Variants in GRM7 observed in about 807,000 individuals in gnomAD.
GRM7 encodes glutamate metabotropic receptor 7.
In GRM7, 35 loss-of-function variants were observed where a neutral mutation model predicts 84.5. That is an observed-to-expected ratio of 0.41 (90% CI 0.32 to 0.55). GRM7 has a LOEUF of 0.55. Ranked by LOEUF, GRM7 falls within the 20% of genes least tolerant of loss-of-function variation. GRM7 has a pLI of 0.19. For missense variants in GRM7, 1,003 were observed against 1,194.6 expected (o/e 0.84, Z 2.36); for synonymous variants, 487 against 455.1 (o/e 1.07, Z -0.89).
chr3:6,983,984 TA>T (rs1694304426), intron 1 of GRM7, among the ~76,000 whole-genome samples: 1 of 152,192 alleles, frequency 6.6e-6, no homozygotes, highest in African/African-American at 2.4e-5. Context: ...TCTGTCATCA[TA>T]AAACAAAGAG....
At chr3:7,328,158 C>A (rs2125062365) in intron 4 of GRM7, among the ~76,000 whole-genome samples, 1 of 152,198 alleles carries the variant, frequency 6.6e-6, no homozygotes, top group Non-Finnish European at 1.5e-5. Flanking sequence ...AAAGATTTTT[C>A]CCATGAAAAG....
intron 7 of GRM7, among the ~76,000 whole-genome samples, chr3:7,535,605 C>T (rs1701210840): frequency 6.6e-6 from 1 of 152,226 alleles, no homozygotes; most frequent in African/African-American, 2.4e-5. Flanking sequence ...CACTTAACCT[C>T]CATATGCTCT....
Position 7,523,427 on chromosome 3 carries a change from ACT to A in GRM7, c.1516-54992_1516-54991del, listed in dbSNP as rs1202579624. The stretch of plus-strand genomic sequence containing the variant: ...GAAGTAAGTTTTGCTGGCAATGTGC[ACT>A]CTGTTTTGCTAGGCCGGACTTTAAT... On this transcript the variant is annotated intron_variant, in intron 7 of 9. Transcript: ENST00000357716. 2.0e-5 allele frequency among the ~76,000 whole-genome samples: 3 copies of A among 152,144 alleles called. No homozygotes were observed. In the East Asian group the frequency reaches 5.8e-4, roughly 29 times the overall value.
chr3:7,060,707 T>G (rs1235939349), intron 1 of GRM7, among the ~76,000 whole-genome samples: 1 of 149,144 alleles, frequency 6.7e-6, no homozygotes. Context: ...TGATGTCTAA[T>G]AAAAATAAAT....
intron 4 of GRM7, among the ~76,000 whole-genome samples, chr3:7,381,908 A>G (rs1575251167): frequency 1.3e-5 from 2 of 152,150 alleles, no homozygotes; most frequent in Admixed American, 6.6e-5. Context: ...TGTTAGGCAA[A>G]CACTCTCACA....
intron 1 of GRM7, among the ~76,000 whole-genome samples, chr3:6,953,089 T>G (rs1167292457): frequency 6.6e-6 from 1 of 152,264 alleles, no homozygotes; most frequent in Non-Finnish European, 1.5e-5. Flanking sequence ...AAGTTTCATT[T>G]CTTGTTCACA....
chr3:7,398,565 G>A (rs1695312898), intron 4 of GRM7, among the ~76,000 whole-genome samples: 1 of 151,984 alleles, frequency 6.6e-6, no homozygotes, highest in South Asian at 2.1e-4. Flanking sequence ...AAATTTTAAA[G>A]GCAATTGGAG....
intron 2 of GRM7, among the ~76,000 whole-genome samples, chr3:7,174,877 T>C (rs2125091317): frequency 6.6e-6 from 1 of 152,352 alleles, no homozygotes; most frequent in Non-Finnish European, 1.5e-5. Flanking sequence ...TCAGCCAATT[T>C]TGTGACATAC....
intron 9 of GRM7, among the ~76,000 whole-genome samples, chr3:7,725,324 T>C (rs1702086503): frequency 6.6e-6 from 1 of 152,130 alleles, no homozygotes; most frequent in South Asian, 2.1e-4. Flanking sequence ...AGTTAGAGGG[T>C]ATCACTGCCT....
chr3:7,694,429 T>C (rs2125153421), intron 9 of GRM7: 1 of 947,078 alleles, frequency 1.1e-6, no homozygotes, highest in African/African-American at 1.8e-5. Context: ...TGTCATCCTG[T>C]ACCACACATA....
At chr3:7,617,834 T>C (rs1697172335) in intron 8 of GRM7, among the ~76,000 whole-genome samples, 1 of 152,092 alleles carries the variant, frequency 6.6e-6, no homozygotes, top group African/African-American at 2.4e-5. Context: ...AAGAATAAGG[T>C]TTGTTTTTAA....
At chr3:7,423,917 G>A (rs1489738403) in intron 5 of GRM7, among the ~76,000 whole-genome samples, 2 of 152,010 alleles carry the variant, frequency 1.3e-5, no homozygotes, top group Non-Finnish European at 2.9e-5. Context: ...TTACCATCCT[G>A]GGCACTGAAA....
chr3:7,659,708 C>T (rs115189270), intron 8 of GRM7, among the ~76,000 whole-genome samples: 1 of 152,158 alleles, frequency 6.6e-6, no homozygotes, highest in African/African-American at 2.4e-5. Context: ...ACTGATCAAA[C>T]TCTGGCTGGC....
intron 4 of GRM7, among the ~76,000 whole-genome samples, chr3:7,355,098 A>T (rs1377340887): frequency 6.6e-6 from 1 of 152,156 alleles, no homozygotes; most frequent in Non-Finnish European, 1.5e-5. Context: ...TGGTAAATAA[A>T]TCAGGCTAAA....
chr3:7,631,567 T>C (rs1042219491), intron 8 of GRM7, among the ~76,000 whole-genome samples: 1 of 152,208 alleles, frequency 6.6e-6, no homozygotes, highest in African/African-American at 2.4e-5. Flanking sequence ...TTCATGAAGC[T>C]TTAAGTATAA....
intron 4 of GRM7, among the ~76,000 whole-genome samples, chr3:7,319,749 A>G (rs1053770032): frequency 6.6e-6 from 1 of 152,022 alleles, no homozygotes; most frequent in Non-Finnish European, 1.5e-5. Context: ...GACAAAAGAT[A>G]CTGTTTGTTT....
rs972528950 is a variant in GRM7, at chr3:7,686,504, T to C, written c.2698+6209T>C. ...ATGTGTTCTTGTCTCCAATGAGAAT[T>C]AGAAATGTTTCCATGGAAACTGTGC... On this transcript the variant is annotated intron_variant, in intron 9 of 9. Coordinates refer to ENST00000357716, the MANE Select transcript of GRM7 (RefSeq NM_000844.4). 1.6e-5 allele frequency: 12 copies of C among 769,946 alleles called. No individual in the cohort carries two copies. The African/African-American group carries it at 2.1e-4, about 13-fold the overall frequency. The allele number at this position is 769,946 out of a possible 1,614,324, so 47.7% of individuals were successfully genotyped here.
chr3:7,432,302 A>C (rs1408698096), intron 5 of GRM7, among the ~76,000 whole-genome samples: 3 of 152,192 alleles, frequency 2.0e-5, no homozygotes, highest in Non-Finnish European at 4.4e-5. Context: ...TATGTAAGTA[A>C]ACCAAGGCAT....
intron 4 of GRM7, among the ~76,000 whole-genome samples, chr3:7,400,228 A>T (rs185402995): frequency 7.9e-5 from 12 of 152,302 alleles, no homozygotes; most frequent in Admixed American, 4.6e-4. Flanking sequence ...TGGACATGGT[A>T]GTTTTACATT....
Sources: gnomAD v4.1 joint callset for allele counts (sites outside exome capture counted in the v4.1 genomes callset) on GRCh38, gnomAD v4.1.1 for gene constraint, MANE v1.5 for transcripts, NCBI Gene and HGNC (gene_info 2026-07-23, HGNC 2026-07-21) for gene names.